Variants in ENOX1 observed in about 807,000 individuals in gnomAD.
The protein encoded by ENOX1 is ecto-NOX disulfide-thiol exchanger 1.
ENOX1 carries 42 observed loss-of-function variants against 82.5 expected under a neutral mutation model. The observed-to-expected ratio is 0.51, with a 90% confidence interval of 0.40 to 0.66. The LOEUF (loss-of-function observed/expected upper bound fraction) is 0.66, where lower values mean the gene tolerates loss of function less well. Ranked by LOEUF, ENOX1 falls within the 30% of genes least tolerant of loss-of-function variation. The pLI is 0.00. For missense variants in ENOX1, 608 were observed against 811.6 expected, an observed-to-expected ratio of 0.75 and a Z score of 3.05; for synonymous variants, 271 against 282.2, an observed-to-expected ratio of 0.96 and a Z score of 0.40.
chr13:43,415,259 T>TTC, intron 3 of ENOX1, among the ~76,000 whole-genome samples: 1 of 136,604 alleles, frequency 7.3e-6, no homozygotes, highest in Non-Finnish European at 1.6e-5. Flanking sequence ...TTTTTTTTTT[T>TTC]AGTATTTATT....
At chr13:43,306,957 A>C (rs530788157) in intron 11 of ENOX1, among the ~76,000 whole-genome samples, 1 of 152,348 alleles carries the variant, frequency 6.6e-6, no homozygotes, top group South Asian at 2.1e-4. Context: ...AGTTCTATGC[A>C]TTGCTCTTTG....
intron 2 of ENOX1, among the ~76,000 whole-genome samples, chr13:43,572,683 A>G (rs1025537350): frequency 6.6e-6 from 1 of 152,246 alleles, no homozygotes; most frequent in South Asian, 2.1e-4. Context: ...CAAGGTCTCC[A>G]GCGGGTGCTC....
intron 12 of ENOX1, among the ~76,000 whole-genome samples, chr13:43,297,993 G>A (rs74904830): frequency 0.018 from 2,725 of 152,334 alleles, 62 homozygotes; most frequent in African/African-American, 0.061. Context: ...CAGTTGTCGT[G>A]CTTTGAAGTT....
intron 2 of ENOX1, among the ~76,000 whole-genome samples, chr13:43,563,071 G>C (rs547316595): frequency 2.5e-4 from 38 of 152,144 alleles, no homozygotes; most frequent in African/African-American, 8.9e-4. Flanking sequence ...TTGTCCAATG[G>C]CTGCAAAATA....
chr13:43,535,468 T>TC (rs1261449173), intron 2 of ENOX1, among the ~76,000 whole-genome samples: 8 of 152,062 alleles, frequency 5.3e-5, no homozygotes, highest in Admixed American at 1.3e-4. Flanking sequence ...CCAGTACCTC[T>TC]CCCCCCATCG....
intron 2 of ENOX1, among the ~76,000 whole-genome samples, chr13:43,523,615 C>A (rs1250507207): frequency 3.9e-5 from 6 of 152,092 alleles, no homozygotes; most frequent in Non-Finnish European, 7.4e-5. Flanking sequence ...TTTAAGAAAG[C>A]AATGTCTTCT....
intron 2 of ENOX1, among the ~76,000 whole-genome samples, chr13:43,643,377 A>G (rs1030114429): frequency 6.6e-6 from 1 of 152,242 alleles, no homozygotes; most frequent in African/African-American, 2.4e-5. Flanking sequence ...GAGCTGGACA[A>G]CAGGGAAGTA....
At chr13:43,624,976 G>A (rs1246945827) in intron 2 of ENOX1, among the ~76,000 whole-genome samples, 1 of 151,972 alleles carries the variant, frequency 6.6e-6, no homozygotes, top group African/African-American at 2.4e-5. Context: ...ATCAGCTTGG[G>A]GAGAAGTGAC....
intron 5 of ENOX1, among the ~76,000 whole-genome samples, chr13:43,386,481 A>G (rs1021649107): frequency 4.6e-5 from 7 of 152,322 alleles, no homozygotes; most frequent in South Asian, 4.1e-4. Context: ...AACACAAATC[A>G]CAATATCATA....
At chr13:43,610,344 C>T (rs996309207) in intron 2 of ENOX1, among the ~76,000 whole-genome samples, 3 of 152,160 alleles carry the variant, frequency 2.0e-5, no homozygotes, top group African/African-American at 7.2e-5. Flanking sequence ...CTTGTACCTG[C>T]TCATTCATCC....
chr13:43,581,050 T>C (rs2080699064), intron 2 of ENOX1, among the ~76,000 whole-genome samples: 2 of 151,876 alleles, frequency 1.3e-5, no homozygotes, highest in African/African-American at 4.8e-5. Flanking sequence ...CCTTGTATTC[T>C]CTTATACCTA....
chr13:43,471,801 C>G (rs1262072925), intron 3 of ENOX1, among the ~76,000 whole-genome samples: 1 of 115,608 alleles, frequency 8.6e-6, no homozygotes, highest in Non-Finnish European at 1.8e-5. Flanking sequence ...CAGAGCGAGA[C>G]TCCGTCTCAA....
At chr13:43,315,364 A>G (rs2047419745) in intron 11 of ENOX1, among the ~76,000 whole-genome samples, 1 of 152,228 alleles carries the variant, frequency 6.6e-6, no homozygotes, top group Non-Finnish European at 1.5e-5. Context: ...TCGATGTTGT[A>G]AAGGGTAATC....
chr13:43,504,042 T>C (rs1177078349), intron 2 of ENOX1, among the ~76,000 whole-genome samples: 1 of 151,648 alleles, frequency 6.6e-6, no homozygotes, highest in Non-Finnish European at 1.5e-5. Context: ...AGAAACTGAG[T>C]AGACATTTCT....
chr13:43,777,918 C>G (rs1178969433), intron 1 of ENOX1, among the ~76,000 whole-genome samples: 2 of 152,206 alleles, frequency 1.3e-5, no homozygotes, highest in Non-Finnish European at 1.5e-5. Context: ...ATTAACAAGG[C>G]TTCTTCTTTT....
intron 2 of ENOX1, among the ~76,000 whole-genome samples, chr13:43,521,651 G>C (rs2077774205): frequency 6.6e-6 from 1 of 152,102 alleles, no homozygotes; most frequent in Non-Finnish European, 1.5e-5. Context: ...GCCCTGGAAG[G>C]TCCTTGCTTG....
At chr13:43,698,284 AG>A (rs2086737722) in intron 1 of ENOX1, among the ~76,000 whole-genome samples, 1 of 152,216 alleles carries the variant, frequency 6.6e-6, no homozygotes, top group Non-Finnish European at 1.5e-5. Context: ...CCAATACGTA[AG>A]AATCACAACT....
At chr13:43,284,048 T>C (rs1430588677) in intron 12 of ENOX1, among the ~76,000 whole-genome samples, 2 of 152,302 alleles carry the variant, frequency 1.3e-5, no homozygotes, top group South Asian at 4.2e-4. Flanking sequence ...ACCACTCTTT[T>C]GACATCTGTT....
intron 15 of ENOX1, among the ~76,000 whole-genome samples, chr13:43,235,313 T>C (rs2042482022): frequency 6.6e-6 from 1 of 152,202 alleles, no homozygotes; most frequent in African/African-American, 2.4e-5. Context: ...AATAACCCTG[T>C]AGTTGAAAAA....
Sources: allele counts gnomAD v4.1 joint callset (sites outside exome capture counted in the v4.1 genomes callset), GRCh38; gene constraint gnomAD v4.1.1; transcripts MANE v1.5; gene names NCBI Gene and HGNC (gene_info 2026-07-23, HGNC 2026-07-21).